Variants in DGKI observed in about 807,000 individuals in gnomAD.
DGKI encodes DAG kinase iota.
In DGKI, 55 loss-of-function variants were observed where a neutral mutation model predicts 147.5. That is an observed-to-expected ratio of 0.37 (90% CI 0.30 to 0.47). The LOEUF is 0.47. Among genes scored for constraint, DGKI ranks in the 20% least tolerant of loss-of-function variants. The pLI, the probability that DGKI is intolerant of heterozygous loss-of-function variation, is 1.00. For missense variants in DGKI, 1,007 were observed against 1,323.8 expected, an observed-to-expected ratio of 0.76 and a Z score of 3.71; for synonymous variants, 469 against 477.1, an observed-to-expected ratio of 0.98 and a Z score of 0.22.
rs115759808 is a variant in DGKI at position 137,478,685 on chromosome 7, C to T, written c.2373+6689G>A. Among the ~76,000 whole-genome samples the T allele has an allele frequency of 4.0e-3, 608 of 152,096 alleles. 4 individuals carry two copies. Among genetic ancestry groups the T allele is most frequent in the African/African-American group, 0.014 (575 of 41,452 alleles). ...GGGTGAAAAGCAGTGCAATGTGGAC[C>T]GTGAATTAGACTTGGAAGGAAATAG... is the stretch of plus-strand genomic sequence containing the variant. On this transcript the variant is annotated intron_variant, in intron 23 of 32. Coordinates refer to ENST00000614521, the MANE Select transcript of DGKI (RefSeq NM_001321708.2).
chr7:137,585,415 C>A, intron 13 of DGKI, 69 bp from the exon 14 acceptor site: 3 of 1,540,108 alleles, frequency 1.9e-6, no homozygotes, highest in Admixed American at 4.0e-5. Flanking sequence ...CTATTTTACG[C>A]AAGGAAGAGC....
At chr7:137,723,898 C>T (rs1372634844) in intron 1 of DGKI, among the ~76,000 whole-genome samples, 1 of 151,714 alleles carries the variant, frequency 6.6e-6, no homozygotes, top group Non-Finnish European at 1.5e-5. Context: ...TTAGTAGAGA[C>T]GGGGTTTCAC....
intron 20 of DGKI, among the ~76,000 whole-genome samples, chr7:137,522,178 A>G (rs2293548): frequency 0.092 from 14,018 of 152,144 alleles, 1,400 homozygotes; most frequent in African/African-American, 0.24. Context: ...ATAAGAATAT[A>G]GAAATATGCA....
chr7:137,430,481 C>T (rs555150837), intron 28 of DGKI, among the ~76,000 whole-genome samples: 7 of 151,358 alleles, frequency 4.6e-5, no homozygotes, highest in African/African-American at 1.7e-4. Flanking sequence ...GTGCAGCACA[C>T]CAGCATGGCA....
intron 1 of DGKI, among the ~76,000 whole-genome samples, chr7:137,801,944 C>A (rs1280957969): frequency 6.6e-6 from 1 of 152,070 alleles, no homozygotes; most frequent in Admixed American, 6.5e-5. Context: ...CGAGCACACA[C>A]GTGTTCATAG....
intron 1 of DGKI, among the ~76,000 whole-genome samples, chr7:137,697,895 G>A (rs926358612): frequency 2.6e-5 from 4 of 151,616 alleles, no homozygotes; most frequent in Non-Finnish European, 5.9e-5. Context: ...CTATTAATTA[G>A]AATTCCTTAT....
At chr7:137,731,968 C>T (rs746223484) in intron 1 of DGKI, among the ~76,000 whole-genome samples, 1 of 152,070 alleles carries the variant, frequency 6.6e-6, no homozygotes, top group Non-Finnish European at 1.5e-5. Flanking sequence ...GCAATCTTTA[C>T]TTCAGTACAA....
At chr7:137,451,700 T>C (rs1428881400) in intron 27 of DGKI, among the ~76,000 whole-genome samples, 2 of 152,218 alleles carry the variant, frequency 1.3e-5, no homozygotes, top group African/African-American at 4.8e-5. Flanking sequence ...ATATCTGGTA[T>C]AATATACTTT....
At chr7:137,725,121 T>C (rs1781677770) in intron 1 of DGKI, among the ~76,000 whole-genome samples, 1 of 152,156 alleles carries the variant, frequency 6.6e-6, no homozygotes, top group Non-Finnish European at 1.5e-5. Context: ...AGGTATTCTG[T>C]GGGTATTATC....
At chr7:137,553,427 G>T (rs1818118002) in intron 19 of DGKI, among the ~76,000 whole-genome samples, 1 of 152,110 alleles carries the variant, frequency 6.6e-6, no homozygotes, top group African/African-American at 2.4e-5. Flanking sequence ...AAGCAAAGCA[G>T]CTTTAAGGAT....
At chr7:137,420,777 G>C (rs966159772) in intron 28 of DGKI, among the ~76,000 whole-genome samples, 1 of 152,152 alleles carries the variant, frequency 6.6e-6, no homozygotes, top group Non-Finnish European at 1.5e-5. Context: ...CCAGCACTTT[G>C]GGAGGCCGAG....
intron 3 of DGKI, among the ~76,000 whole-genome samples, chr7:137,664,233 C>T (rs1326244113): frequency 6.6e-6 from 1 of 151,874 alleles, no homozygotes; most frequent in Non-Finnish European, 1.5e-5. Flanking sequence ...AAAAAATTAG[C>T]TGGGCATGGT....
rs1287160750 is a variant in DGKI, at chr7:137,397,418, A to G, written c.2921-5T>C. On this transcript the variant is annotated splice_region_variant and splice_polypyrimidine_tract_variant and intron_variant, in intron 30 of 32. Transcript: ENST00000614521. Reference sequence around the variant, plus strand: ...TATCCAATAACTCGGAAGGTCCTAAATAAGAAGAAAGCAAGATGACCGTCA... The same window carrying G: ...TATCCAATAACTCGGAAGGTCCTAAGTAAGAAGAAAGCAAGATGACCGTCA... The G allele has an allele frequency of 1.9e-6, 3 of 1,611,880 alleles. No homozygotes were observed. Among genetic ancestry groups the G allele is most frequent in the Non-Finnish European group, 1.7e-6 (2 of 1,179,582 alleles).
intron 28 of DGKI, among the ~76,000 whole-genome samples, chr7:137,415,591 C>T (rs755410362): frequency 1.1e-4 from 17 of 152,124 alleles, no homozygotes; most frequent in Non-Finnish European, 1.9e-4. Context: ...CTGACTGAAG[C>T]AGAATGTCTC....
intron 1 of DGKI, among the ~76,000 whole-genome samples, chr7:137,701,186 A>G (rs1823970521): frequency 6.6e-6 from 1 of 152,094 alleles, no homozygotes. Flanking sequence ...AGGAAAAAAA[A>G]AGTCCTCAGT....
At position 137,543,413 on chromosome 7, in the gene DGKI, T is replaced by C. The variant is rs984773070; in HGVS notation, c.2147+8956A>G. Among the ~76,000 whole-genome samples, 10 of 152,204 alleles carry C rather than the reference T, an allele frequency of 6.6e-5. No homozygotes were observed. In the East Asian group the frequency reaches 1.9e-3, roughly 29 times the overall value. On this transcript the variant is annotated intron_variant, in intron 20 of 32. Coordinates refer to ENST00000614521, the MANE Select transcript of DGKI (RefSeq NM_001321708.2). The stretch of plus-strand genomic sequence containing the variant: ...TCAAAACATAAAATTTCATGATTTT[T>C]CTTTGAATAAACTGGAAATTTTGCA...
At chr7:137,501,442 C>T (rs949798019) in intron 21 of DGKI, among the ~76,000 whole-genome samples, 4 of 152,140 alleles carry the variant, frequency 2.6e-5, no homozygotes, top group Non-Finnish European at 5.9e-5. Context: ...TTTGAGGAGG[C>T]TCCATTATGT....
rs141823335 is a variant in DGKI, at chr7:137,712,650, C to T, written c.402-22648G>A. 3.8e-4 allele frequency among the ~76,000 whole-genome samples: 58 copies of T among 152,266 alleles called. No individual in the cohort carries two copies. The East Asian group carries it at 0.011, about 28-fold the overall frequency. ...CTTGTTTAAAGCATTGAAGATTCCT[C>T]TTTTGGAAATGCCTCCTGAACCTGC... On this transcript the variant is annotated intron_variant, in intron 1 of 32. Transcript: ENST00000614521.
chr7:137,731,978 A>G (rs1345861834), intron 1 of DGKI, among the ~76,000 whole-genome samples: 1 of 152,120 alleles, frequency 6.6e-6, no homozygotes, highest in Non-Finnish European at 1.5e-5. Flanking sequence ...CTTCAGTACA[A>G]CACTTTTGTG....
Sources: allele counts gnomAD v4.1 joint callset (sites outside exome capture counted in the v4.1 genomes callset), GRCh38; gene constraint gnomAD v4.1.1; transcripts MANE v1.5; gene names NCBI Gene and HGNC (gene_info 2026-07-23, HGNC 2026-07-21).